Variants in SLC38A4 observed in about 807,000 individuals in gnomAD.
The protein encoded by SLC38A4 is solute carrier family 38 member 4, also known as sodium-coupled neutral amino acid transporter 4.
Under a neutral mutation model 63.1 loss-of-function variants are expected in SLC38A4, and 20 were observed. The ratio of observed to expected loss-of-function variants is 0.32; its 90% CI spans 0.22 to 0.46. SLC38A4 has a LOEUF of 0.46. SLC38A4 is among the 20% of genes least tolerant of loss of function. The probability of loss-of-function intolerance (pLI) is 1.00; values close to 1 mark genes in which losing one functional copy is unlikely to be tolerated. For missense variants in SLC38A4, 526 were observed against 663.6 expected (o/e 0.79, Z 2.28); for synonymous variants, 230 against 225.5 (o/e 1.02, Z -0.18).
At chr12:46,811,185 T>TA (rs1360875642) in intron 1 of SLC38A4, among the ~76,000 whole-genome samples, 2 of 151,874 alleles carry the variant, frequency 1.3e-5, no homozygotes, top group African/African-American at 4.8e-5. Flanking sequence ...AAGAGACAAT[T>TA]AAAAAATAAA....
chr12:46,808,353 C>A (rs901621795), intron 1 of SLC38A4, among the ~76,000 whole-genome samples: 1 of 151,984 alleles, frequency 6.6e-6, no homozygotes, highest in South Asian at 2.1e-4. Context: ...CCAACCTAAA[C>A]CACCTTTTCA....
At chr12:46,767,431 A>T (rs1938324196) in intron 16 of SLC38A4, among the ~76,000 whole-genome samples, 1 of 152,100 alleles carries the variant, frequency 6.6e-6, no homozygotes, top group Admixed American at 6.6e-5. Flanking sequence ...GGTCTAGGAG[A>T]TAATTGTACT....
intron 14 of SLC38A4, among the ~76,000 whole-genome samples, chr12:46,774,085 C>T (rs1341648418): frequency 6.6e-6 from 1 of 151,874 alleles, no homozygotes; most frequent in Middle Eastern, 3.2e-3. Context: ...ATATTAGAGG[C>T]AAGACATGAT....
At position 46,780,615 on chromosome 12, in the gene SLC38A4, C is replaced by T. The variant is rs562213038; in HGVS notation, c.494-585G>A. 3.4e-3 allele frequency among the ~76,000 whole-genome samples: 511 copies of T among 148,634 alleles called. 4 individuals are homozygous for T. Among genetic ancestry groups the T allele is most frequent in the African/African-American group, 0.012 (488 of 40,644 alleles). On this transcript the variant is annotated intron_variant, in intron 7 of 16. Transcript: ENST00000266579. ...CTTTGTCAAAGAAGTTTTTTTTTTT[C>T]CCCCCTCTTCATCTTACTCTCCTTT...
chr12:46,801,691 G>A (rs1939134997), intron 2 of SLC38A4, among the ~76,000 whole-genome samples: 1 of 151,960 alleles, frequency 6.6e-6, no homozygotes, highest in African/African-American at 2.4e-5. Flanking sequence ...CATCCACCCT[G>A]TACCATAGAT....
At chr12:46,774,514 T>G (rs1172061675) in intron 14 of SLC38A4, among the ~76,000 whole-genome samples, 1 of 152,040 alleles carries the variant, frequency 6.6e-6, no homozygotes, top group Non-Finnish European at 1.5e-5. Flanking sequence ...GTGAGAGAGA[T>G]ATGTGATAGA....
Position 46,793,040 on chromosome 12 carries a change from A to G in SLC38A4, c.32T>C (p.Ile11Thr). Residue 11 changes from isoleucine (I) to threonine (T), a missense_variant, in exon 3 of 17, where the codon ATC becomes ACC. Ile to Thr is a moderately conservative substitution (Grantham distance 89). Coordinates refer to ENST00000266579, the MANE Select transcript of SLC38A4 (RefSeq NM_018018.5). MDPMELRNVN[I>T]EPDDESSSGE... ...ACTGCTGCTCTCATCATCTGGTTCG[A>G]TGTTGACATTTCTCAGTTCCATGGG... 1 of 1,613,104 alleles carries G rather than the reference A, an allele frequency of 6.2e-7. No homozygotes were observed. Among genetic ancestry groups the G allele is most frequent in the South Asian group, 1.1e-5 (1 of 91,058 alleles).
In SLC38A4 at chr12:46,783,569, C is replaced by T. The variant is rs569555897; in HGVS notation, c.493+973G>A. 2.3e-4 allele frequency among the ~76,000 whole-genome samples: 35 copies of T among 151,988 alleles called. 2 individuals are homozygous for T. Among genetic ancestry groups the T allele is most frequent in the African/African-American group, 7.7e-4 (32 of 41,480 alleles). On this transcript the variant is annotated intron_variant, in intron 7 of 16. Coordinates refer to ENST00000266579, the MANE Select transcript of SLC38A4 (RefSeq NM_018018.5). ...TGGTGATCATCTGTGGTCATGAGGA[C>T]GGACAGAGAGGAGAGGTTCAAGAGA...
intron 2 of SLC38A4, among the ~76,000 whole-genome samples, chr12:46,795,922 A>G (rs991940803): frequency 6.9e-6 from 1 of 144,672 alleles, no homozygotes; most frequent in African/African-American, 2.6e-5. Flanking sequence ...AGACGGCCCA[A>G]TCAAAAGGCT....
In SLC38A4 at chr12:46,785,133, T is replaced by C. The variant is rs1938731544; in HGVS notation, c.371A>G (p.His124Arg). ...AVAILSLYSV[H>R]LLLKTAKEGG... ...TTCCTTGGCTGTTTTTAATAAAAGG[T>C]GAACTGAATACAGTGATAATATTGC... Residue 124 changes from histidine to arginine, a missense_variant, in exon 6 of 17, where the codon CAC becomes CGC. By Grantham distance (29) the His-to-Arg change is conservative. Coordinates refer to ENST00000266579, the MANE Select transcript of SLC38A4 (RefSeq NM_018018.5). 1 of 1,612,808 alleles carries C rather than the reference T, an allele frequency of 6.2e-7. No individual in the cohort carries two copies. Among genetic ancestry groups the C allele is most frequent in the Admixed American group, 1.7e-5 (1 of 59,920 alleles).
At chr12:46,818,561 T>A (rs1939484614) in intron 1 of SLC38A4, among the ~76,000 whole-genome samples, 1 of 151,700 alleles carries the variant, frequency 6.6e-6, no homozygotes, top group African/African-American at 2.4e-5. Flanking sequence ...TATGAAAAAA[T>A]TTAAATTTAA....
chr12:46,790,608 A>G (rs1565669834), intron 3 of SLC38A4, among the ~76,000 whole-genome samples: 1 of 152,224 alleles, frequency 6.6e-6, no homozygotes, highest in Non-Finnish European at 1.5e-5. Flanking sequence ...ATTTTAATCA[A>G]TAAACTAAAA....
chr12:46,795,848 TTATCCTTTC>T (rs1223953235), intron 2 of SLC38A4, among the ~76,000 whole-genome samples: 1 of 152,116 alleles, frequency 6.6e-6, no homozygotes, highest in East Asian at 1.9e-4. Context: ...ATTTTTATCC[TTATCCTTTC>T]ATCACGACGT....
In SLC38A4 at chr12:46,766,753, G is replaced by C; in HGVS notation, c.1592C>G (p.Ala531Gly). Reference sequence around the variant, plus strand: ...ATAAATCCAGTCAATTATAATGAGTGCCATGCTTCCAATCATGAAGAATAT... The same window carrying C: ...ATAAATCCAGTCAATTATAATGAGTCCCATGCTTCCAATCATGAAGAATAT... ...VGIFFMIGSM[A>G]LIIIDWIYDP... Residue 531 changes from alanine (A) to glycine (G), a missense_variant, in exon 17 of 17, where the codon GCA becomes GGA. Transcript: ENST00000266579. 1 of 1,612,244 alleles carries C rather than the reference G, an allele frequency of 6.2e-7. No homozygotes were observed. The highest frequency in any genetic ancestry group is 8.5e-7 in the Non-Finnish European group (1 of 1,178,988).
chr12:46,798,763 A>G (rs1413272500), intron 2 of SLC38A4, among the ~76,000 whole-genome samples: 2 of 152,146 alleles, frequency 1.3e-5, no homozygotes, highest in African/African-American at 4.8e-5. Flanking sequence ...ACATCTATCA[A>G]TTCTTCAGAG....
chr12:46,828,447 G>C (rs147125162), upstream of SLC38A4, among the ~76,000 whole-genome samples: 1 of 151,984 alleles, frequency 6.6e-6, no homozygotes, highest in African/African-American at 2.4e-5. Context: ...TTAGCCTCTC[G>C]AGTATCTGGG....
At chr12:46,815,119 C>T (rs771091732) in intron 1 of SLC38A4, among the ~76,000 whole-genome samples, 2 of 151,206 alleles carry the variant, frequency 1.3e-5, no homozygotes, top group Non-Finnish European at 3.0e-5. Flanking sequence ...CACAGTTATT[C>T]TATGTTATGG....
intron 13 of SLC38A4, among the ~76,000 whole-genome samples, chr12:46,776,093 C>T (rs1028974286): frequency 5.3e-5 from 8 of 151,908 alleles, no homozygotes; most frequent in African/African-American, 1.9e-4. Context: ...ACATGCAATT[C>T]AATTTACCAA....
chr12:46,788,601 T>A lies in SLC38A4; in HGVS notation c.137A>T (p.Asp46Val), dbSNP rs1220061969. 6.2e-7 allele frequency: 1 copy of A among 1,613,412 alleles called. No individual in the cohort carries two copies. The highest frequency in any genetic ancestry group is 8.5e-7 in the Non-Finnish European group (1 of 1,179,772). ...AAMSSQFANE[D>V]TESQKFLTNG... The stretch of plus-strand genomic sequence containing the variant: ...TGTCAGGAATTTCTGACTTTCAGTG[T>A]CTTCATTAGCAAATTGACTGAACAC... Residue 46 changes from aspartate (D) to valine (V), a missense_variant, in exon 4 of 17, where the codon GAC (aspartate) becomes GTC (valine). Coordinates refer to ENST00000266579, the MANE Select transcript of SLC38A4 (RefSeq NM_018018.5).
Sources: allele counts gnomAD v4.1 joint callset (sites outside exome capture counted in the v4.1 genomes callset), GRCh38; gene constraint gnomAD v4.1.1; transcripts MANE v1.5; gene names NCBI Gene and HGNC (gene_info 2026-07-23, HGNC 2026-07-21).